The following WDFY2 variants were observed in gnomAD, a reference collection of about 807,000 sequenced individuals.
WDFY2 encodes the protein WD repeat and FYVE domain-containing protein 2.
Under a neutral mutation model 56.4 loss-of-function variants are expected in WDFY2, and 36 were observed. The ratio of observed to expected loss-of-function variants is 0.64; its 90% CI spans 0.49 to 0.84. The LOEUF is 0.84. Among genes scored for constraint, WDFY2 ranks in the 40% least tolerant of loss-of-function variants. WDFY2 has a pLI of 0.00. For synonymous variants in WDFY2, 176 were observed against 183.7 expected (o/e 0.96, Z 0.34); for missense variants, 444 against 512.2 (o/e 0.87, Z 1.29).
chr13:51,691,764 T>C (rs1956164067), intron 3 of WDFY2, among the ~76,000 whole-genome samples: 4 of 152,184 alleles, frequency 2.6e-5, no homozygotes, highest in Admixed American at 2.6e-4. Flanking sequence ...GGGGATGGCA[T>C]TGAATCTATA....
chr13:51,694,223 A>T (rs1951812483), intron 3 of WDFY2, among the ~76,000 whole-genome samples: 2 of 152,200 alleles, frequency 1.3e-5, no homozygotes, highest in African/African-American at 2.4e-5. Context: ...TGATCCTGTC[A>T]TTATGATGTT....
At chr13:51,635,720 G>A (rs1051910420) in intron 1 of WDFY2, among the ~76,000 whole-genome samples, 5 of 152,336 alleles carry the variant, frequency 3.3e-5, no homozygotes, top group Admixed American at 1.3e-4. Flanking sequence ...TTCTAAAGGG[G>A]AAGTGAAAAC....
intron 3 of WDFY2, among the ~76,000 whole-genome samples, chr13:51,695,724 A>G (rs1451256085): frequency 6.6e-6 from 1 of 152,254 alleles, no homozygotes; most frequent in Non-Finnish European, 1.5e-5. Context: ...GCTGTCAGAC[A>G]GGGACATTTA....
At chr13:51,585,696 CTATA>C (rs1368733211) in intron 1 of WDFY2, among the ~76,000 whole-genome samples, 3 of 152,114 alleles carry the variant, frequency 2.0e-5, no homozygotes, top group Admixed American at 6.5e-5. Context: ...TTGGTAAAAT[CTATA>C]TAAGCATTCT....
At chr13:51,751,853 T>C (rs1475265816) in intron 8 of WDFY2, among the ~76,000 whole-genome samples, 3 of 152,234 alleles carry the variant, frequency 2.0e-5, no homozygotes, top group Non-Finnish European at 4.4e-5. Context: ...ACTTTATAAG[T>C]CATGTTCTAA....
intron 1 of WDFY2, among the ~76,000 whole-genome samples, chr13:51,641,856 A>AAAAT (rs1955173707): frequency 7.3e-6 from 1 of 137,844 alleles, no homozygotes; most frequent in Non-Finnish European, 1.6e-5. Flanking sequence ...AAAAAAAAAT[A>AAAAT]TTTTGTCTAA....
chr13:51,751,231 C>A, intron 7 of WDFY2, 79 bp from the exon 8 acceptor site: 1 of 1,425,958 alleles, frequency 7.0e-7, no homozygotes, highest in Non-Finnish European at 9.6e-7. Flanking sequence ...AGCACATTGG[C>A]TGACTTTGCC....
rs80139119 is a variant in WDFY2 at position 51,620,021 on chromosome 13, A to G, written c.137+35197A>G. Among the ~76,000 whole-genome samples the G allele has an allele frequency of 3.8e-3, 573 of 152,296 alleles. 4 individuals are homozygous for G. Among genetic ancestry groups the G allele is most frequent in the African/African-American group, 0.013 (538 of 41,566 alleles). On this transcript the variant is annotated intron_variant, in intron 1 of 11. Coordinates refer to ENST00000298125, the MANE Select transcript of WDFY2 (RefSeq NM_052950.4). ...CAAACTTAATAGTCCTTCTTTTCTAATAATCTGGGCTGATCCTCCTTATAA... is the reference window on the plus strand; with the variant it reads ...CAAACTTAATAGTCCTTCTTTTCTAGTAATCTGGGCTGATCCTCCTTATAA...
chr13:51,613,618 T>A (rs1689990083), intron 1 of WDFY2, among the ~76,000 whole-genome samples: 1 of 152,206 alleles, frequency 6.6e-6, no homozygotes. Context: ...TTCTTGGGAA[T>A]GGATTAATGA....
At chr13:51,621,842 A>T (rs1954733590) in intron 1 of WDFY2, among the ~76,000 whole-genome samples, 1 of 152,212 alleles carries the variant, frequency 6.6e-6, no homozygotes, top group African/African-American at 2.4e-5. Context: ...GAGGGTTGAA[A>T]AAAAAGAACT....
At position 51,759,986 on chromosome 13, in the gene WDFY2, A is replaced by AT. The variant is rs980031472; in HGVS notation, c.*224dup. ...TTGTTCATACAATATAAAAGAAGCT[A>AT]TTTTTTTAACAAATGGTTTATACAG... On this transcript the variant is annotated 3_prime_UTR_variant, in exon 12 of 12. Transcript: ENST00000298125. 11 of 496,650 alleles carry AT rather than the reference A, an allele frequency of 2.2e-5. No homozygotes were observed. The highest frequency in any genetic ancestry group is 5.2e-4 in the Middle Eastern group (1 of 1,940). 30.8% of individuals were successfully genotyped at this position (496,650 alleles called of 1,614,324 possible). A position where few individuals can be genotyped will look rare whatever the true frequency, so the allele number is the denominator to read the frequency against.
intron 1 of WDFY2, among the ~76,000 whole-genome samples, chr13:51,632,149 A>G (rs1329996095): frequency 6.6e-6 from 1 of 152,002 alleles, no homozygotes; most frequent in Non-Finnish European, 1.5e-5. Context: ...AGTATGGTAG[A>G]TGAGAAACCC....
At chr13:51,609,600 A>AT (rs1954454009) in intron 1 of WDFY2, among the ~76,000 whole-genome samples, 2 of 78,274 alleles carry the variant, frequency 2.6e-5, no homozygotes, top group Non-Finnish European at 4.8e-5. Flanking sequence ...TAAAAACCCC[A>AT]ACCCCCGCCC....
At chr13:51,707,769 G>A (rs78955715) in intron 4 of WDFY2, among the ~76,000 whole-genome samples, 44 of 151,940 alleles carry the variant, frequency 2.9e-4, no homozygotes, top group African/African-American at 1.0e-3. Context: ...AGACAAAGTA[G>A]CAAGGGGTTA....
intron 1 of WDFY2, among the ~76,000 whole-genome samples, chr13:51,655,274 C>T (rs1050054198): frequency 1.3e-5 from 2 of 152,060 alleles, no homozygotes; most frequent in Admixed American, 1.3e-4. Context: ...ATCCTTATTA[C>T]TGATTTTAGG....
At chr13:51,758,569 A>G (rs1953474857) in intron 11 of WDFY2, among the ~76,000 whole-genome samples, 1 of 152,004 alleles carries the variant, frequency 6.6e-6, no homozygotes. Context: ...AAAAAAAAAA[A>G]AAAGTTACCA....
At chr13:51,621,286 C>T (rs892124731) in intron 1 of WDFY2, among the ~76,000 whole-genome samples, 2 of 152,168 alleles carry the variant, frequency 1.3e-5, no homozygotes, top group African/African-American at 4.8e-5. Context: ...GGGCAGATCA[C>T]CTGAGATCAA....
chr13:51,724,231 C>CTTTTTTT (rs529903671), intron 5 of WDFY2, among the ~76,000 whole-genome samples: 20 of 107,978 alleles, frequency 1.9e-4, no homozygotes, highest in Non-Finnish European at 2.4e-4. Context: ...TCTTTTTTAA[C>CTTTTTTT]TTTTTTTTTT....
At chr13:51,743,058 G>C (rs1168147094) in intron 7 of WDFY2, among the ~76,000 whole-genome samples, 1 of 152,222 alleles carries the variant, frequency 6.6e-6, no homozygotes. Flanking sequence ...GAGGACAGGT[G>C]GACAAGGATC....
Sources: allele counts gnomAD v4.1 joint callset (sites outside exome capture counted in the v4.1 genomes callset), GRCh38; gene constraint gnomAD v4.1.1; transcripts MANE v1.5; gene names NCBI Gene and HGNC (gene_info 2026-07-23, HGNC 2026-07-21).